The following ARHGEF37 variants were observed in gnomAD, a reference collection of about 807,000 sequenced individuals.
ARHGEF37 encodes Rho guanine nucleotide exchange factor (GEF) 37.
ARHGEF37 carries 55 observed loss-of-function variants against 71.1 expected under a neutral mutation model. The observed-to-expected ratio is 0.77, with a 90% CI of 0.62 to 0.97. ARHGEF37 has a LOEUF of 0.97. ARHGEF37 is among the 50% of genes least tolerant of loss of function. The probability of loss-of-function intolerance (pLI) is 0.00; values close to 1 mark genes in which losing one functional copy is unlikely to be tolerated. For missense variants in ARHGEF37, 765 were observed against 836.8 expected (o/e 0.91, Z 1.06); for synonymous variants, 327 against 350.6 (o/e 0.93, Z 0.75).
chr5:149,560,963 T>A (rs1031621276), intron 1 of ARHGEF37, among the ~76,000 whole-genome samples: 1 of 151,908 alleles, frequency 6.6e-6, no homozygotes, highest in Non-Finnish European at 1.5e-5. Context: ...AACATACCAA[T>A]AGATAGGTAG....
upstream of ARHGEF37, among the ~76,000 whole-genome samples, chr5:149,576,724 G>A (rs1463736669): frequency 2.0e-5 from 3 of 152,184 alleles, no homozygotes; most frequent in Non-Finnish European, 4.4e-5. Flanking sequence ...TGGGAGGCAA[G>A]GCAGGTGGAT....
chr5:149,551,826 C>T (rs915707824), upstream of ARHGEF37: 6 of 151,640 alleles, frequency 4.0e-5, no homozygotes, highest in Admixed American at 2.0e-4. Context: ...TTTGATCTTT[C>T]TTCTGGCCGT....
chr5:149,556,058 A>C (rs1214811129), intron 1 of ARHGEF37, among the ~76,000 whole-genome samples: 1 of 152,210 alleles, frequency 6.6e-6, no homozygotes, highest in Admixed American at 6.5e-5. Flanking sequence ...GAGTGAAATG[A>C]TAGAGACAAG....
At chr5:149,569,569 C>T (rs905789258) in intron 1 of ARHGEF37, among the ~76,000 whole-genome samples, 1 of 152,320 alleles carries the variant, frequency 6.6e-6, no homozygotes, top group East Asian at 1.9e-4. Flanking sequence ...ATCTGCCCAC[C>T]TTGGCCTCCC....
At chr5:149,558,954 A>G (rs1762792038) in intron 1 of ARHGEF37, among the ~76,000 whole-genome samples, 1 of 152,146 alleles carries the variant, frequency 6.6e-6, no homozygotes, top group Admixed American at 6.6e-5. Flanking sequence ...ACACTACTGC[A>G]TTCTAGCCCA....
intron 2 of ARHGEF37, among the ~76,000 whole-genome samples, chr5:149,598,268 CTTCTTCTTCT>C (rs1561794491): frequency 2.3e-4 from 27 of 119,342 alleles, no homozygotes; most frequent in African/African-American, 3.6e-4. Context: ...ACTGACTCTT[CTTCTTCTTCT>C]TCTTCTTCTT....
chr5:149,633,987 A>G lies in ARHGEF37; in HGVS notation c.*1796A>G, dbSNP rs1752961721. 1 of 152,216 alleles carries G rather than the reference A, an allele frequency of 6.6e-6. No homozygotes were observed. The highest frequency in any genetic ancestry group is 6.5e-5 in the Admixed American group (1 of 15,288). The allele number at this position is 152,216 out of a possible 1,614,324, so 9.4% of individuals were successfully genotyped here. A position where few individuals can be genotyped will look rare whatever the true frequency, so the allele number is the denominator to read the frequency against. Reference sequence around the variant, plus strand: ...AGAGCATAGGGGAACAGATAATGAAATAGGAAACCCACTCGTGGGTTCCAC... The same window carrying G: ...AGAGCATAGGGGAACAGATAATGAAGTAGGAAACCCACTCGTGGGTTCCAC... On this transcript the variant is annotated 3_prime_UTR_variant, in exon 13 of 13. Transcript: ENST00000333677.
chr5:149,610,178 G>A (rs6867642), intron 4 of ARHGEF37, among the ~76,000 whole-genome samples: 68,705 of 152,078 alleles, frequency 0.45, 16,646 homozygotes, highest in Non-Finnish European at 0.55. Context: ...TTGGAGAAGC[G>A]GAAACGTTTG....
At chr5:149,612,680 G>A (rs574909427) in intron 4 of ARHGEF37, among the ~76,000 whole-genome samples, 2 of 152,304 alleles carry the variant, frequency 1.3e-5, no homozygotes, top group African/African-American at 4.8e-5. Context: ...TATGAGACAT[G>A]GAACAATTCT....
Position 149,609,665 on chromosome 5 carries a change from G to A in ARHGEF37, c.428G>A (p.Arg143Gln), listed in dbSNP as rs201086927. The A allele has an allele frequency of 6.0e-5, 96 of 1,612,412 alleles. 1 individual carries two copies. Among genetic ancestry groups the A allele is most frequent in the Non-Finnish European group, 7.5e-5 (88 of 1,180,036 alleles). The change falls in exon 4 of 13, where the codon CGG (arginine) becomes CAG (glutamine). Residue 143 changes from arginine (R) to glutamine (Q), a missense_variant. Transcript: ENST00000333677. Reference sequence around the variant, plus strand: ...TACCGGAAGGAGCCGGAGCTGCAGCGGCACATCCAGGGCATCGTTGAGGCG... The same window carrying A: ...TACCGGAAGGAGCCGGAGCTGCAGCAGCACATCCAGGGCATCGTTGAGGCG... ...DTYRKEPELQ[R>Q]HIQGIVEAVV...
intron 11 of ARHGEF37, 44 bp downstream of exon 11, chr5:149,627,315 C>T (rs773752814): frequency 6.3e-6 from 10 of 1,587,308 alleles, no homozygotes; most frequent in South Asian, 2.3e-5. Flanking sequence ...CGGGGAAAAC[C>T]ACCCCACAGA....
intron 11 of ARHGEF37, 45 bp from the exon 12 acceptor site, chr5:149,628,764 C>A: frequency 6.4e-7 from 1 of 1,570,792 alleles, no homozygotes; most frequent in Non-Finnish European, 8.7e-7. Context: ...TTAAAAGGGA[C>A]GGGAAGGTGG....
chr5:149,626,370 G>T (rs1305221030), intron 10 of ARHGEF37, among the ~76,000 whole-genome samples: 1 of 151,972 alleles, frequency 6.6e-6, no homozygotes, highest in Non-Finnish European at 1.5e-5. Context: ...AAGCATCCCT[G>T]AGTCTCTCCT....
At chr5:149,598,018 A>G in intron 2 of ARHGEF37, 63 bp downstream of exon 2, 1 of 1,492,116 alleles carries the variant, frequency 6.7e-7, no homozygotes, top group Non-Finnish European at 8.9e-7. Context: ...CCAGCTTCTG[A>G]GATTTCTCAT....
At chr5:149,605,088 G>A (rs994106819) in intron 3 of ARHGEF37, among the ~76,000 whole-genome samples, 1 of 151,548 alleles carries the variant, frequency 6.6e-6, no homozygotes, top group Non-Finnish European at 1.5e-5. Flanking sequence ...TTAGTCGGGC[G>A]TGTTGGTGGG....
At chr5:149,574,223 C>T (rs1461175697) in intron 1 of ARHGEF37, among the ~76,000 whole-genome samples, 1 of 152,198 alleles carries the variant, frequency 6.6e-6, no homozygotes, top group African/African-American at 2.4e-5. Context: ...ACATTTTTCT[C>T]ATGCAGTTTC....
intron 1 of ARHGEF37, among the ~76,000 whole-genome samples, chr5:149,573,618 T>C (rs568169748): frequency 1.3e-5 from 2 of 152,312 alleles, no homozygotes; most frequent in East Asian, 3.9e-4. Flanking sequence ...TACTCTTTTA[T>C]TGACTTTACC....
At chr5:149,604,931 A>G (rs1763874427) in intron 3 of ARHGEF37, among the ~76,000 whole-genome samples, 1 of 151,656 alleles carries the variant, frequency 6.6e-6, no homozygotes, top group Admixed American at 6.6e-5. Context: ...CAGCATTTTG[A>G]AAGATTTTTG....
intron 1 of ARHGEF37, 99 bp from the exon 2 acceptor site, chr5:149,597,660 G>T: frequency 9.0e-7 from 1 of 1,113,588 alleles, no homozygotes; most frequent in Admixed American, 2.8e-5. Context: ...AGCTTAAGAT[G>T]TTTTTAGGCC....
Sources: allele counts gnomAD v4.1 joint callset (sites outside exome capture counted in the v4.1 genomes callset), GRCh38; gene constraint gnomAD v4.1.1; transcripts MANE v1.5; gene names NCBI Gene and HGNC (gene_info 2026-07-23, HGNC 2026-07-21).